MAP4K3: variants seen among roughly 807,000 people sequenced by gnomAD.
The protein encoded by MAP4K3 is mitogen-activated protein kinase kinase kinase kinase 3, also known as MAPK/ERK kinase kinase kinase 3.
In MAP4K3, 94 loss-of-function variants were observed where a neutral mutation model predicts 143.5. That is an observed-to-expected ratio of 0.65 (90% CI 0.55 to 0.78). MAP4K3 has a LOEUF of 0.78. Among genes scored for constraint, MAP4K3 ranks in the 30% least tolerant of loss-of-function variants. MAP4K3 has a pLI of 0.00. For synonymous variants in MAP4K3, 416 were observed against 347.2 expected (o/e 1.20, Z -2.20); for missense variants, 1,077 against 1,068.1 (o/e 1.01, Z -0.12).
chr2:39,426,613 G>C (rs1665095633), intron 1 of MAP4K3, among the ~76,000 whole-genome samples: 1 of 151,976 alleles, frequency 6.6e-6, no homozygotes, highest in Non-Finnish European at 1.5e-5. Context: ...ATGTGGTAAA[G>C]TATTAGCCAT....
intron 1 of MAP4K3, among the ~76,000 whole-genome samples, chr2:39,410,711 G>T (rs566650160): frequency 6.8e-4 from 104 of 152,232 alleles, no homozygotes; most frequent in African/African-American, 2.4e-3. Flanking sequence ...ATAATATGAA[G>T]GATAACAACA....
At chr2:39,369,771 A>C (rs1157811447) in intron 2 of MAP4K3, among the ~76,000 whole-genome samples, 1 of 152,158 alleles carries the variant, frequency 6.6e-6, no homozygotes, top group East Asian at 1.9e-4. Context: ...CACTATGTGT[A>C]TTCTTTCACA....
chr2:39,304,685 G>T (rs543914393), intron 15 of MAP4K3, among the ~76,000 whole-genome samples: 12 of 152,244 alleles, frequency 7.9e-5, no homozygotes, highest in African/African-American at 2.9e-4. Flanking sequence ...ATTAAAGATA[G>T]AACTACAAGT....
At chr2:39,257,651 C>G (rs1680397867) in intron 31 of MAP4K3, among the ~76,000 whole-genome samples, 1 of 151,356 alleles carries the variant, frequency 6.6e-6, no homozygotes, top group Admixed American at 6.6e-5. Context: ...ATACAAAAAT[C>G]AGCCGGGGGT....
At chr2:39,286,163 A>G (rs12469028) in intron 21 of MAP4K3, among the ~76,000 whole-genome samples, 43,563 of 152,168 alleles carry the variant, frequency 0.29, 7,880 homozygotes, top group Non-Finnish European at 0.4. Context: ...TTTGGGGATG[A>G]AACTGTTCCA....
rs187242279 is a variant in MAP4K3 at position 39,347,253 on chromosome 2, T to C, written c.246-3801A>G. On this transcript the variant is annotated intron_variant, in intron 3 of 33. Coordinates refer to ENST00000263881, the MANE Select transcript of MAP4K3 (RefSeq NM_003618.4). The stretch of plus-strand genomic sequence containing the variant: ...ATATGGTAAATATCAATAGATATAA[T>C]TCATATAAAACAAAAGCTCTCTTGC... Among the ~76,000 whole-genome samples the C allele has an allele frequency of 1.4e-4, 21 of 152,344 alleles. 1 individual carries two copies. Among genetic ancestry groups the C allele is most frequent in the Non-Finnish European group, 1.5e-5 (1 of 68,024 alleles).
intron 26 of MAP4K3, 84 bp downstream of exon 26, chr2:39,272,199 T>G: frequency 9.8e-7 from 1 of 1,022,136 alleles, no homozygotes; most frequent in African/African-American, 1.6e-5. Flanking sequence ...TAACCCAAAC[T>G]GAGTGCTCTT....
intron 32 of MAP4K3, among the ~76,000 whole-genome samples, chr2:39,252,173 T>C (rs1680176301): frequency 6.6e-6 from 1 of 152,216 alleles, no homozygotes; most frequent in Non-Finnish European, 1.5e-5. Flanking sequence ...ATCCATTTTA[T>C]TTATTAGAAA....
rs1332854320 is a variant in MAP4K3 at position 39,306,323 on chromosome 2, T to A, written c.1119+1620A>T. Among the ~76,000 whole-genome samples the A allele has an allele frequency of 9.8e-5, 15 of 152,374 alleles. No individual in the cohort carries two copies. In the East Asian group the frequency reaches 2.7e-3, roughly 27 times the overall value. ...TTTTCAATCCAGCAAGCACCGACTG[T>A]GTTTTCTTCAGACATTCTATCTCAC... On this transcript the variant is annotated intron_variant, in intron 15 of 33. Coordinates refer to ENST00000263881, the MANE Select transcript of MAP4K3 (RefSeq NM_003618.4).
chr2:39,293,155 C>G, intron 17 of MAP4K3, 75 bp downstream of exon 17: 1 of 1,037,344 alleles, frequency 9.6e-7, no homozygotes, highest in Non-Finnish European at 1.4e-6. Flanking sequence ...AAATAGGCTA[C>G]ATAACAGAGA....
intron 13 of MAP4K3, among the ~76,000 whole-genome samples, chr2:39,313,480 TTTTTC>T (rs1006475783): frequency 3.2e-4 from 48 of 152,050 alleles, no homozygotes; most frequent in African/African-American, 9.4e-4. Flanking sequence ...CCTTCCTTTC[TTTTTC>T]TTTTCTTTTC....
At chr2:39,380,009 G>T (rs937304845) in intron 1 of MAP4K3, among the ~76,000 whole-genome samples, 38 of 151,952 alleles carry the variant, frequency 2.5e-4, no homozygotes, top group African/African-American at 8.5e-4. Flanking sequence ...GTTTACCAAG[G>T]TCAATATTTC....
At chr2:39,315,027 T>C (rs1229834270) in intron 13 of MAP4K3, among the ~76,000 whole-genome samples, 1 of 152,202 alleles carries the variant, frequency 6.6e-6, no homozygotes, top group Non-Finnish European at 1.5e-5. Flanking sequence ...GTGAGTTACA[T>C]GCACACAGGC....
chr2:39,386,413 A>G (rs1049572445), intron 1 of MAP4K3, among the ~76,000 whole-genome samples: 11 of 152,248 alleles, frequency 7.2e-5, no homozygotes, highest in Admixed American at 6.5e-5. Flanking sequence ...TTTTTGATAA[A>G]GTCCAATTTA....
intron 12 of MAP4K3, among the ~76,000 whole-genome samples, chr2:39,324,622 A>G (rs1177583328): frequency 6.6e-6 from 1 of 152,182 alleles, no homozygotes; most frequent in Non-Finnish European, 1.5e-5. Flanking sequence ...CCGTCTTTCT[A>G]AACACTTCAC....
intron 1 of MAP4K3, among the ~76,000 whole-genome samples, chr2:39,436,163 T>G (rs1665464246): frequency 6.6e-6 from 1 of 152,154 alleles, no homozygotes; most frequent in African/African-American, 2.4e-5. Context: ...TTAGAAGTGG[T>G]CCCTCTACAA....
chr2:39,389,944 T>C (rs1228809822), intron 1 of MAP4K3, among the ~76,000 whole-genome samples: 2 of 152,080 alleles, frequency 1.3e-5, no homozygotes, highest in African/African-American at 4.8e-5. Flanking sequence ...ACCATGGAAA[T>C]AGGAAGGTGG....
intron 29 of MAP4K3, 103 bp from the exon 30 acceptor site, chr2:39,258,690 A>G (rs1183123533): frequency 3.5e-6 from 3 of 851,708 alleles, no homozygotes; most frequent in Admixed American, 1.9e-5. Context: ...CTTGAAACGG[A>G]TATGTCTTCT....
intron 3 of MAP4K3, among the ~76,000 whole-genome samples, chr2:39,349,429 C>T (rs1047247174): frequency 6.6e-6 from 1 of 152,106 alleles, no homozygotes; most frequent in Non-Finnish European, 1.5e-5. Context: ...TAATAATCCC[C>T]CAGTGTTCAG....
Sources: allele counts gnomAD v4.1 joint callset (sites outside exome capture counted in the v4.1 genomes callset), GRCh38; gene constraint gnomAD v4.1.1; transcripts MANE v1.5; gene names NCBI Gene and HGNC (gene_info 2026-07-23, HGNC 2026-07-21).